Variants in FAT2 observed in about 807,000 individuals in gnomAD.
The protein encoded by FAT2 is FAT atypical cadherin 2.
FAT2 carries 150 observed loss-of-function variants against 295.3 expected under a neutral mutation model. The observed-to-expected ratio is 0.51, with a 90% CI of 0.44 to 0.58. The LOEUF is 0.58. FAT2 is among the 20% of genes least tolerant of loss of function. The pLI is 0.00. For missense variants in FAT2, 4,868 were observed against 5,442.7 expected (o/e 0.89, Z 3.32); for synonymous variants, 2,026 against 2,150.3 (o/e 0.94, Z 1.60).
chr5:151,554,264 C>T lies in FAT2; in HGVS notation c.3945+98G>A, dbSNP rs564857073. 62 of 1,132,530 alleles carry T rather than the reference C, an allele frequency of 5.5e-5. No individual in the cohort carries two copies. The South Asian group carries it at 8.4e-4, about 15-fold the overall frequency. The allele number at this position is 1,132,530 out of a possible 1,614,324, so 70.2% of individuals were successfully genotyped here. A position where few individuals can be genotyped will look rare whatever the true frequency, so the allele number is the denominator to read the frequency against. ...GGCCAGGAAGGAGAGTACCATTTCCCTTATGCTGGTGGGCTGTCTCCCTCC... is the reference window on the plus strand; with the variant it reads ...GGCCAGGAAGGAGAGTACCATTTCCTTTATGCTGGTGGGCTGTCTCCCTCC... On this transcript the variant is annotated intron_variant, in intron 5 of 23. Transcript: ENST00000261800.
chr5:151,540,533 T>C (rs2127602020), intron 11 of FAT2, 34 bp downstream of exon 11: 1 of 1,583,426 alleles, frequency 6.3e-7, no homozygotes, highest in Non-Finnish European at 8.6e-7. Context: ...TTCCTTGCCT[T>C]CACTACCCAC....
rs202004831 is a variant in FAT2, at chr5:151,566,669, C to A, written c.2263G>T (p.Ala755Ser). 1.7e-4 allele frequency: 276 copies of A among 1,614,036 alleles called. 1 individual carries two copies. Among genetic ancestry groups the A allele is most frequent in the South Asian group, 4.8e-4 (44 of 91,074 alleles). The change falls in exon 2 of 24, where the codon GCA becomes TCA. Residue 755 changes from alanine (A) to serine (S), a missense_variant. By Grantham distance (99) the Ala-to-Ser change is moderately conservative. Around this residue, in one of 5 missense-constraint regions of FAT2, gnomAD observed 3,297 missense variants for 3,669.4 expected, o/e 0.90. Coordinates refer to ENST00000261800, the MANE Select transcript of FAT2 (RefSeq NM_001447.3). ...GFNGKLVYVI[A>S]DGNEEGCFDI... ...AAGCAGCCCTCCTCATTGCCATCTG[C>A]AATCACATAGACCAGTTTGCCATTA... is the stretch of plus-strand genomic sequence containing the variant.
At chr5:151,547,042 C>A (rs907682466) in intron 9 of FAT2, among the ~76,000 whole-genome samples, 11 of 152,236 alleles carry the variant, frequency 7.2e-5, no homozygotes, top group African/African-American at 2.6e-4. Flanking sequence ...TGTTATGTTA[C>A]ACTATTATTT....
intron 20 of FAT2, among the ~76,000 whole-genome samples, chr5:151,513,669 T>C (rs545744205): frequency 6.6e-6 from 1 of 152,254 alleles, no homozygotes; most frequent in South Asian, 2.1e-4. Flanking sequence ...GGTGATGAAG[T>C]AATATGTACA....
Position 151,551,513 on chromosome 5 carries a change from T to C in FAT2, c.4250A>G (p.Asn1417Ser). 1 of 1,614,188 alleles carries C rather than the reference T, an allele frequency of 6.2e-7. No homozygotes were observed. The highest frequency in any genetic ancestry group is 8.5e-7 in the Non-Finnish European group (1 of 1,180,018). ...CCCATCTGTCACCTCAACAGTCAAGTTATAGTTCGACCTTCTCCTGGTATC... is the reference window on the plus strand; with the variant it reads ...CCCATCTGTCACCTCAACAGTCAAGCTATAGTTCGACCTTCTCCTGGTATC... Reference protein sequence around the residue: ...PLDTRRRSNYNLTVEVTDGSR... With the variant: ...PLDTRRRSNYSLTVEVTDGSR... The change falls in exon 7 of 24, where the codon AAC (asparagine) becomes AGC (serine). Residue 1417 changes from asparagine to serine, a missense_variant. This residue lies in a region of FAT2 where 3,297 missense variants were observed against 3,669.4 expected (regional missense o/e 0.90). Coordinates refer to ENST00000261800, the MANE Select transcript of FAT2 (RefSeq NM_001447.3).
chr5:151,562,152 A>G (rs1758041890), intron 3 of FAT2, among the ~76,000 whole-genome samples: 1 of 152,156 alleles, frequency 6.6e-6, no homozygotes, highest in Non-Finnish European at 1.5e-5. Context: ...GCAAATAGGC[A>G]CTTACATCTC....
At chr5:151,584,536 C>T (rs566690164) in intron 1 of FAT2, among the ~76,000 whole-genome samples, 2 of 152,326 alleles carry the variant, frequency 1.3e-5, no homozygotes, top group Admixed American at 1.3e-4. Context: ...AAACACAAAA[C>T]TTCAGATGCC....
At chr5:151,563,170 C>A (rs1338566813) in intron 3 of FAT2, among the ~76,000 whole-genome samples, 155 bp downstream of exon 3, 1 of 152,200 alleles carries the variant, frequency 6.6e-6, no homozygotes, top group Non-Finnish European at 1.5e-5. Flanking sequence ...GATTGCTGGG[C>A]CTCACCCTCG....
intron 21 of FAT2, chr5:151,510,465 G>A (rs893796199): frequency 1.5e-5 from 4 of 258,238 alleles, no homozygotes; most frequent in African/African-American, 8.6e-5. Context: ...CTGTTCCAAG[G>A]ATCTTCCTGT....
rs1430602153 is a variant in FAT2 at position 151,553,249 on chromosome 5, C to A, written c.4084G>T (p.Asp1362Tyr). The change falls in exon 6 of 24, where the codon GAC becomes TAC. Residue 1362 changes from aspartate (D) to tyrosine (Y), a missense_variant. Around this residue, in one of 5 missense-constraint regions of FAT2, gnomAD observed 3,297 missense variants for 3,669.4 expected, o/e 0.90. Transcript: ENST00000261800. ...ACCCCCACCATGTGGTTCACAGGGTCCGTCTCCATGACCGTAAAGCTGTAG... is the reference window on the plus strand; with the variant it reads ...ACCCCCACCATGTGGTTCACAGGGTACGTCTCCATGACCGTAAAGCTGTAG... ...TYYSFTVMET[D>Y]PVNHMVGVIS... The A allele has an allele frequency of 1.2e-6, 2 of 1,614,248 alleles. No homozygotes were observed. The highest frequency in any genetic ancestry group is 3.3e-5 in the Admixed American group (2 of 60,022).
chr5:151,557,390 C>T (rs1025548308), intron 3 of FAT2, among the ~76,000 whole-genome samples: 32 of 152,296 alleles, frequency 2.1e-4, no homozygotes, highest in African/African-American at 7.0e-4. Context: ...CCAGTCAGCA[C>T]AGACTATCCC....
chr5:151,527,138 A>G (rs548813114), intron 17 of FAT2, 96 bp downstream of exon 17: 1 of 1,268,286 alleles, frequency 7.9e-7, no homozygotes, highest in South Asian at 1.4e-5. Flanking sequence ...AGTCACAGTC[A>G]TTGTTCATGT....
At chr5:151,511,665 G>A in intron 21 of FAT2, 1 of 162,356 alleles carries the variant, frequency 6.2e-6, no homozygotes, top group South Asian at 1.7e-4. Flanking sequence ...GCTCATGGCA[G>A]CATTGACAGA....
chr5:151,522,512 A>G (rs894243015), intron 18 of FAT2, among the ~76,000 whole-genome samples: 4 of 152,206 alleles, frequency 2.6e-5, no homozygotes, highest in Non-Finnish European at 4.4e-5. Context: ...TCCCCTTGGG[A>G]TTCCCTTTTG....
At chr5:151,592,991 A>T (rs927701962), upstream of FAT2, among the ~76,000 whole-genome samples, 3 of 152,228 alleles carry the variant, frequency 2.0e-5, no homozygotes, top group Admixed American at 6.5e-5. Flanking sequence ...CACAGGCATC[A>T]AGCAGGCTGC....
At chr5:151,554,170 C>A (rs1255327157) in intron 5 of FAT2, among the ~76,000 whole-genome samples, 192 bp downstream of exon 5, 1 of 152,168 alleles carries the variant, frequency 6.6e-6, no homozygotes, top group Non-Finnish European at 1.5e-5. Flanking sequence ...GACCTTATTG[C>A]CTTCAAAGAG....
Position 151,505,335 on chromosome 5 carries a change from GC to G in FAT2, c.*229del. ...TTTCCAGGGTCACTGCTCTAGAAAT[GC>G]CCCTCTCCTGGGACCCTAGTGCTGT... On this transcript the variant is annotated 3_prime_UTR_variant, in exon 24 of 24. Transcript: ENST00000261800. 1 of 584,496 alleles carries G rather than the reference GC, an allele frequency of 1.7e-6. No homozygotes were observed. The highest frequency in any genetic ancestry group is 3.0e-6 in the Non-Finnish European group (1 of 335,160). The allele number at this position is 584,496 out of a possible 1,614,324, so 36.2% of individuals were successfully genotyped here. A position where few individuals can be genotyped will look rare whatever the true frequency, so the allele number is the denominator to read the frequency against.
intron 1 of FAT2, among the ~76,000 whole-genome samples, chr5:151,570,510 A>C (rs1300064414): frequency 6.6e-6 from 1 of 152,116 alleles, no homozygotes; most frequent in Non-Finnish European, 1.5e-5. Context: ...CCTCTCTTAG[A>C]CCCTTGCTGT....
At chr5:151,565,543 T>C in intron 2 of FAT2, 130 bp downstream of exon 2, 2 of 852,156 alleles carry the variant, frequency 2.3e-6, no homozygotes, top group Non-Finnish European at 3.5e-6. Flanking sequence ...GGAAAAAGAA[T>C]CCCTATTTAT....
Sources: allele counts gnomAD v4.1 joint callset (sites outside exome capture counted in the v4.1 genomes callset), GRCh38; gene constraint gnomAD v4.1.1; regional missense constraint gnomAD v4.1.1; transcripts MANE v1.5; gene names NCBI Gene and HGNC (gene_info 2026-07-23, HGNC 2026-07-21).